The following SDHAF3 variants were observed in gnomAD, a reference collection of about 807,000 sequenced individuals.
SDHAF3 encodes the protein succinate dehydrogenase assembly factor 3, mitochondrial.
A neutral mutation model predicts 11.5 loss-of-function variants in SDHAF3; 18 were observed. The observed-to-expected ratio is 1.56, with a 90% CI of 1.08 to 2.32. SDHAF3 has a LOEUF of 2.32. SDHAF3 is among the 30% of genes most tolerant of loss of function. The probability of loss-of-function intolerance (pLI) is 0.00; values close to 1 mark genes in which losing one functional copy is unlikely to be tolerated. For synonymous variants in SDHAF3, 72 were observed against 59.3 expected, an observed-to-expected ratio of 1.21 and a Z score of -0.99; for missense variants, 200 against 154.4, an observed-to-expected ratio of 1.30 and a Z score of -1.57.
At chr7:97,130,270 TAA>T (rs11410661) in intron 1 of SDHAF3, among the ~76,000 whole-genome samples, 12 of 122,714 alleles carry the variant, frequency 9.8e-5, no homozygotes, top group South Asian at 2.7e-4. Context: ...ATACCCAGTC[TAA>T]AAAAAAAAAA....
intron 1 of SDHAF3, among the ~76,000 whole-genome samples, chr7:97,143,825 T>G (rs1789093908): frequency 6.6e-6 from 1 of 152,108 alleles, no homozygotes; most frequent in Non-Finnish European, 1.5e-5. Context: ...ATGAAAAAGA[T>G]TATCTTTTCC....
At chr7:97,121,889 G>A (rs528828607) in intron 1 of SDHAF3, among the ~76,000 whole-genome samples, 22 of 139,774 alleles carry the variant, frequency 1.6e-4, no homozygotes, top group Admixed American at 7.0e-4. Context: ...TGGAGTCTTC[G>A]CTCTATCGCC....
At chr7:97,135,922 C>T (rs1307353450) in intron 1 of SDHAF3, among the ~76,000 whole-genome samples, 6 of 151,646 alleles carry the variant, frequency 4.0e-5, no homozygotes, top group South Asian at 4.2e-4. Flanking sequence ...CTCCTGACCT[C>T]GTGATCCGCC....
intron 1 of SDHAF3, chr7:97,136,476 GAC>G: frequency 1.6e-6 from 1 of 632,328 alleles, no homozygotes; most frequent in Non-Finnish European, 2.9e-6. Context: ...CAGTAAGTAA[GAC>G]CTGCCAGATT....
intron 1 of SDHAF3, among the ~76,000 whole-genome samples, chr7:97,165,946 A>AAG (rs1438924798): frequency 1.3e-5 from 2 of 152,184 alleles, no homozygotes; most frequent in Non-Finnish European, 2.9e-5. Context: ...CATCAACAGT[A>AAG]AGAAGTCTGC....
At chr7:97,169,101 G>A (rs888546560) in intron 1 of SDHAF3, among the ~76,000 whole-genome samples, 1 of 152,174 alleles carries the variant, frequency 6.6e-6, no homozygotes, top group Non-Finnish European at 1.5e-5. Flanking sequence ...GGAGGCCGAC[G>A]GATCACTTGA....
chr7:97,133,541 A>G (rs1389492382), intron 1 of SDHAF3, among the ~76,000 whole-genome samples: 1 of 152,148 alleles, frequency 6.6e-6, no homozygotes, highest in East Asian at 1.9e-4. Flanking sequence ...CTGAATGCAT[A>G]TTGTAAGTTT....
intron 1 of SDHAF3, among the ~76,000 whole-genome samples, chr7:97,126,327 C>T (rs971144636): frequency 2.0e-5 from 3 of 152,314 alleles, no homozygotes; most frequent in South Asian, 4.2e-4. Context: ...GCTCAAGCAC[C>T]GTCCTGCGAA....
At chr7:97,147,906 T>G (rs974527591) in intron 1 of SDHAF3, among the ~76,000 whole-genome samples, 10 of 152,076 alleles carry the variant, frequency 6.6e-5, no homozygotes, top group African/African-American at 1.9e-4. Flanking sequence ...TTTTATTTAT[T>G]TATTTATTTT....
At chr7:97,121,841 G>A (rs867794330) in intron 1 of SDHAF3, among the ~76,000 whole-genome samples, 3 of 135,760 alleles carry the variant, frequency 2.2e-5, no homozygotes, top group Admixed American at 7.5e-5. Context: ...AGGTTTTTTG[G>A]TTTTTTTTTT....
intron 1 of SDHAF3, among the ~76,000 whole-genome samples, chr7:97,171,069 G>A (rs1431738262): frequency 6.6e-6 from 1 of 152,074 alleles, no homozygotes; most frequent in African/African-American, 2.4e-5. Flanking sequence ...AATCCCCAAA[G>A]TGTCTTTGAA....
At chr7:97,129,102 GTTTTA>G (rs1017693423) in intron 1 of SDHAF3, among the ~76,000 whole-genome samples, 1 of 152,042 alleles carries the variant, frequency 6.6e-6, no homozygotes, top group Non-Finnish European at 1.5e-5. Flanking sequence ...GACATTTTTT[GTTTTA>G]TTTTGGTCTC....
intron 1 of SDHAF3, among the ~76,000 whole-genome samples, chr7:97,151,743 C>T (rs1196623261): frequency 6.6e-6 from 1 of 152,054 alleles, no homozygotes; most frequent in Non-Finnish European, 1.5e-5. Flanking sequence ...TCGTGATCTG[C>T]CTGCCTCGGC....
chr7:97,146,490 A>G (rs1477027923), intron 1 of SDHAF3, among the ~76,000 whole-genome samples: 2 of 152,334 alleles, frequency 1.3e-5, no homozygotes, highest in East Asian at 3.9e-4. Flanking sequence ...TTACAAAAAG[A>G]ACATAAAATA....
Position 97,181,369 on chromosome 7 carries a change from A to G in SDHAF3, c.*154A>G, listed in dbSNP as rs1789772040. ...TTATGATTGCAGTATATGGATCAAG[A>G]TCACTAGTGACAATTGAAAAAAACT... On this transcript the variant is annotated 3_prime_UTR_variant, in exon 2 of 2. Coordinates refer to ENST00000432641, the MANE Select transcript of SDHAF3 (RefSeq NM_020186.3). The G allele has an allele frequency of 1.8e-6, 1 of 555,344 alleles. No individual in the cohort carries two copies. The highest frequency in any genetic ancestry group is 1.9e-5 in the African/African-American group (1 of 52,300). 34.4% of individuals were successfully genotyped at this position (555,344 alleles called of 1,614,324 possible).
intron 1 of SDHAF3, among the ~76,000 whole-genome samples, chr7:97,132,616 G>GT (rs1298999630): frequency 6.6e-6 from 1 of 152,274 alleles, no homozygotes; most frequent in East Asian, 1.9e-4. Context: ...TGTAGTAACT[G>GT]TATTCCATTT....
intron 1 of SDHAF3, among the ~76,000 whole-genome samples, chr7:97,165,357 C>CTTTTTTTTTTTTTTTTTTTTTTTTTT (rs10653828): frequency 3.9e-5 from 3 of 77,024 alleles, no homozygotes; most frequent in African/African-American, 5.0e-5. Flanking sequence ...ATTTTCCTAC[C>CTTTTTTTTTTTTTTTTTTTTTTTTTT]TTTTTTTTTT....
intron 1 of SDHAF3, among the ~76,000 whole-genome samples, chr7:97,150,249 T>C (rs1182892011): frequency 6.6e-6 from 1 of 152,248 alleles, no homozygotes; most frequent in Non-Finnish European, 1.5e-5. Context: ...ATGTTGATAG[T>C]TTGATCTGCT....
chr7:97,165,120 T>TA (rs1279349445), intron 1 of SDHAF3, among the ~76,000 whole-genome samples: 1 of 151,744 alleles, frequency 6.6e-6, no homozygotes, highest in African/African-American at 2.4e-5. Flanking sequence ...CCATCTCTAC[T>TA]AAAAAAATAC....
Sources: gnomAD v4.1 joint callset for allele counts (sites outside exome capture counted in the v4.1 genomes callset) on GRCh38, gnomAD v4.1.1 for gene constraint, MANE v1.5 for transcripts, NCBI Gene and HGNC (gene_info 2026-07-23, HGNC 2026-07-21) for gene names.